KCNJ6: variants seen among roughly 807,000 people sequenced by gnomAD.
The protein encoded by KCNJ6 is G protein-activated inward rectifier potassium channel 2.
KCNJ6 carries 9 observed loss-of-function variants against 34.2 expected under a neutral mutation model. The observed-to-expected ratio is 0.26, with a 90% CI of 0.16 to 0.46. The LOEUF is 0.46. Among genes scored for constraint, KCNJ6 ranks in the 20% least tolerant of loss-of-function variants. The pLI is 1.00. For synonymous variants in KCNJ6, 196 were observed against 207.1 expected, an observed-to-expected ratio of 0.95 and a Z score of 0.46; for missense variants, 236 against 531.3, an observed-to-expected ratio of 0.44 and a Z score of 5.46.
intron 1 of KCNJ6, among the ~76,000 whole-genome samples, chr21:37,915,428 C>T (rs538769621): frequency 3.3e-5 from 5 of 152,314 alleles, no homozygotes; most frequent in African/African-American, 7.2e-5. Context: ...CTTTTCCTCC[C>T]TTTCGTGTTG....
At chr21:37,880,503 C>T (rs530226876) in intron 1 of KCNJ6, among the ~76,000 whole-genome samples, 22 of 152,282 alleles carry the variant, frequency 1.4e-4, no homozygotes, top group African/African-American at 4.1e-4. Flanking sequence ...TGTAAGATCC[C>T]CAAACAAAGA....
chr21:37,740,064 A>AG (rs1380976565), intron 2 of KCNJ6, among the ~76,000 whole-genome samples: 1 of 152,114 alleles, frequency 6.6e-6, no homozygotes, highest in Non-Finnish European at 1.5e-5. Flanking sequence ...GCTCACTGGG[A>AG]CTATTTTAAA....
At chr21:37,832,564 C>A (rs1013513611) in intron 2 of KCNJ6, among the ~76,000 whole-genome samples, 2 of 152,060 alleles carry the variant, frequency 1.3e-5, no homozygotes, top group African/African-American at 4.8e-5. Flanking sequence ...GGGACCCAGG[C>A]TTTGTCTTTG....
In KCNJ6 at chr21:37,761,661, TGTA is replaced by T. The variant is rs370825428; in HGVS notation, c.26-46533_26-46531del. Among the ~76,000 whole-genome samples, 257 of 148,354 alleles carry T rather than the reference TGTA, an allele frequency of 1.7e-3. 15 individuals carry two copies. In the South Asian group the frequency reaches 0.052, roughly 30 times the overall value. On this transcript the variant is annotated intron_variant, in intron 2 of 3. Transcript: ENST00000609713. ...GTGTTGTGTGTGTATATTTGTGTGT[TGTA>T]TGTAGTTTGTGTGTATATTTGCGTG...
intron 2 of KCNJ6, among the ~76,000 whole-genome samples, chr21:37,751,005 A>G (rs1435909214): frequency 2.6e-5 from 4 of 152,268 alleles, no homozygotes; most frequent in Non-Finnish European, 5.9e-5. Flanking sequence ...AATTTACTAC[A>G]CAAACTACAA....
In KCNJ6 at chr21:37,655,217, GTGTGTGTGAGAGAGAGA is replaced by G. The variant is rs2054454950; in HGVS notation, c.947-29750_947-29734del. ...TGTGTGTGTGTGTGTGTGTGTGTGTGTGTGTGTGAGAGAGAGAGAGAGAGAGAGAGAGAGAGAGAGAG... is the reference window on the plus strand; with the variant it reads ...TGTGTGTGTGTGTGTGTGTGTGTGTGGAGAGAGAGAGAGAGAGAGAGAGAG... On this transcript the variant is annotated intron_variant, in intron 3 of 3. Coordinates refer to ENST00000609713, the MANE Select transcript of KCNJ6 (RefSeq NM_002240.5). Among the ~76,000 whole-genome samples, 43 of 93,406 alleles carry G rather than the reference GTGTGTGTGAGAGAGAGA, an allele frequency of 4.6e-4. 1 individual carries two copies. Among genetic ancestry groups the G allele is most frequent in the Middle Eastern group, 5.0e-3 (1 of 202 alleles). 61.3% of individuals were successfully genotyped at this position (93,406 alleles called of 152,430 possible).
At chr21:37,884,939 C>T (rs903166925) in intron 1 of KCNJ6, among the ~76,000 whole-genome samples, 3 of 152,222 alleles carry the variant, frequency 2.0e-5, no homozygotes, top group South Asian at 2.1e-4. Context: ...CAGTTTTCTG[C>T]CTCCTTTGCC....
intron 2 of KCNJ6, among the ~76,000 whole-genome samples, chr21:37,760,237 A>G (rs986402464): frequency 3.9e-5 from 6 of 152,142 alleles, no homozygotes; most frequent in Non-Finnish European, 5.9e-5. Context: ...TTAAGCCACT[A>G]TGTTTTGGCA....
At chr21:37,778,515 A>G (rs1308025050) in intron 2 of KCNJ6, among the ~76,000 whole-genome samples, 3 of 152,228 alleles carry the variant, frequency 2.0e-5, no homozygotes, top group Non-Finnish European at 4.4e-5. Flanking sequence ...GATAACTTAC[A>G]TATTTCAGCA....
intron 2 of KCNJ6, among the ~76,000 whole-genome samples, chr21:37,741,957 G>T (rs2054943312): frequency 6.6e-6 from 1 of 152,234 alleles, no homozygotes; most frequent in African/African-American, 2.4e-5. Flanking sequence ...TGTAGTAAGG[G>T]ACCATCACGT....
chr21:37,872,239 T>C (rs2055656018), intron 1 of KCNJ6, among the ~76,000 whole-genome samples: 1 of 152,198 alleles, frequency 6.6e-6, no homozygotes, highest in African/African-American at 2.4e-5. Flanking sequence ...AGAATGAGTA[T>C]ATCTATCAGG....
chr21:37,755,083 G>A (rs2055017042), intron 2 of KCNJ6, among the ~76,000 whole-genome samples: 4 of 152,148 alleles, frequency 2.6e-5, no homozygotes, highest in Admixed American at 2.6e-4. Context: ...ATTCCTTAAG[G>A]ACCCGAGCGA....
intron 3 of KCNJ6, among the ~76,000 whole-genome samples, chr21:37,666,686 G>C (rs1441236127): frequency 6.6e-6 from 1 of 151,992 alleles, no homozygotes; most frequent in South Asian, 2.1e-4. Flanking sequence ...GGGCCATGAT[G>C]ACGATGGCAG....
chr21:37,851,992 A>C (rs2055540164), intron 1 of KCNJ6, among the ~76,000 whole-genome samples: 1 of 152,156 alleles, frequency 6.6e-6, no homozygotes, highest in Non-Finnish European at 1.5e-5. Flanking sequence ...AAATGCCCCA[A>C]GCTTGAATTC....
intron 1 of KCNJ6, among the ~76,000 whole-genome samples, chr21:37,848,832 A>T (rs996026803): frequency 2.6e-5 from 4 of 152,168 alleles, no homozygotes; most frequent in Non-Finnish European, 4.4e-5. Flanking sequence ...TGGCTGCCAG[A>T]GTTTCTCCAA....
At chr21:37,748,328 A>G (rs556577146) in intron 2 of KCNJ6, among the ~76,000 whole-genome samples, 1 of 152,312 alleles carries the variant, frequency 6.6e-6, no homozygotes, top group Admixed American at 6.5e-5. Context: ...GAATATGTTA[A>G]TTGCCGCAGA....
At chr21:37,796,939 G>A (rs1388632051) in intron 2 of KCNJ6, among the ~76,000 whole-genome samples, 8 of 151,054 alleles carry the variant, frequency 5.3e-5, no homozygotes, top group South Asian at 2.1e-4. Flanking sequence ...GACTACAGGC[G>A]CCCGCCACCG....
intron 3 of KCNJ6, among the ~76,000 whole-genome samples, chr21:37,696,817 A>C (rs1281783762): frequency 1.3e-5 from 2 of 152,250 alleles, no homozygotes. Flanking sequence ...ACATGTATAC[A>C]TGCATTCACA....
chr21:37,800,209 C>T (rs1171654344), intron 2 of KCNJ6, among the ~76,000 whole-genome samples: 12 of 152,198 alleles, frequency 7.9e-5, no homozygotes, highest in Admixed American at 7.9e-4. Flanking sequence ...GGTAGCTGGG[C>T]AGAGGCTGAG....
Sources: gnomAD v4.1 joint callset for allele counts (sites outside exome capture counted in the v4.1 genomes callset) on GRCh38, gnomAD v4.1.1 for gene constraint, MANE v1.5 for transcripts, NCBI Gene and HGNC (gene_info 2026-07-23, HGNC 2026-07-21) for gene names.